POLI: variants seen among roughly 807,000 people sequenced by gnomAD.
The protein encoded by POLI is RAD30 homolog B.
A neutral mutation model predicts 51.6 loss-of-function variants in POLI; 58 were observed. That is an observed-to-expected ratio of 1.12 (90% CI 0.91 to 1.40). The LOEUF (loss-of-function observed/expected upper bound fraction) is 1.40, where lower values mean the gene tolerates loss of function less well. POLI is among the 40% of genes most tolerant of loss of function. POLI has a pLI of 0.00. For synonymous variants in POLI, 322 were observed against 299.7 expected, an observed-to-expected ratio of 1.07 and a Z score of -0.77; for missense variants, 921 against 871.3, an observed-to-expected ratio of 1.06 and a Z score of -0.72.
At position 54,292,055 on chromosome 18, in the gene POLI, T is replaced by C. The variant is rs1362452388; in HGVS notation, c.1404+17T>C. On this transcript the variant is annotated intron_variant, in intron 9 of 9. Transcript: ENST00000579534. ...CACAGTTTTGTAAGTACACTCTTTT[T>C]TGTTCAGTTTTCTAAGTATACTCTT... 1 of 1,493,966 alleles carries C rather than the reference T, an allele frequency of 6.7e-7. No homozygotes were observed. 92.5% of individuals were successfully genotyped at this position (1,493,966 alleles called of 1,614,324 possible).
downstream of POLI, among the ~76,000 whole-genome samples, chr18:54,300,523 A>T (rs1482162200): frequency 2.6e-5 from 4 of 152,100 alleles, no homozygotes; most frequent in African/African-American, 7.2e-5. Context: ...CACAAAATTC[A>T]ATCCCCAAAA....
rs142721359 is a variant in POLI at position 54,307,441 on chromosome 18, C to G, written c.334-12832C>G. 1.7e-3 allele frequency among the ~76,000 whole-genome samples: 263 copies of G among 152,300 alleles called. 2 individuals carry two copies. The highest frequency in any genetic ancestry group is 5.8e-3 in the African/African-American group (243 of 41,556). The stretch of plus-strand genomic sequence containing the variant: ...AGTTCTAATTTGATTGCACTGTGGT[C>G]TGAGAGACAGTTTGTTGTGACTTCT... On this transcript the variant is annotated intron_variant, in intron 3 of 4. Coordinates refer to the POLI transcript ENST00000579823.
chr18:54,319,592 G>T (rs1386200377), intron 3 of POLI, among the ~76,000 whole-genome samples: 1 of 152,030 alleles, frequency 6.6e-6, no homozygotes, highest in Non-Finnish European at 1.5e-5. Flanking sequence ...ATTTTTATTT[G>T]TCATATTGTT....
intron 4 of POLI, among the ~76,000 whole-genome samples, chr18:54,278,305 CAA>C (rs2087342312): frequency 6.6e-6 from 1 of 152,162 alleles, no homozygotes. Context: ...CTTAAGGAAA[CAA>C]AAAGCCATAC....
chr18:54,291,151 G>A (rs1432520179), intron 8 of POLI, among the ~76,000 whole-genome samples: 1 of 152,106 alleles, frequency 6.6e-6, no homozygotes, highest in Non-Finnish European at 1.5e-5. Flanking sequence ...AGGGTTGTAC[G>A]GGGAGCCTAT....
chr18:54,283,986 A>G lies in POLI; in HGVS notation c.1040A>G (p.Glu347Gly). Residue 347 changes from glutamate (E) to glycine (G), a missense_variant, in exon 7 of 10, where the codon GAA becomes GGA. Glu to Gly is a moderately conservative substitution (Grantham distance 98, BLOSUM62 -2). Transcript: ENST00000579534. ...SSEVEAKNKI[E>G]ELLASLLNRV... The stretch of plus-strand genomic sequence containing the variant: ...GAAGTTGAAGCTAAAAATAAGATTG[A>G]AGAACTACTTGCTAGTCTTTTAAAC... 6.8e-7 allele frequency: 1 copy of G among 1,477,330 alleles called. No individual in the cohort carries two copies. The highest frequency in any genetic ancestry group is 9.4e-7 in the Non-Finnish European group (1 of 1,064,506). The allele number at this position is 1,477,330 out of a possible 1,614,324, so 91.5% of individuals were successfully genotyped here. A position where few individuals can be genotyped will look rare whatever the true frequency, so the allele number is the denominator to read the frequency against.
intron 6 of POLI, 64 bp from the exon 7 acceptor site, chr18:54,283,858 A>G (rs1435901575): frequency 1.6e-6 from 1 of 628,464 alleles, no homozygotes; most frequent in Non-Finnish European, 2.8e-6. Flanking sequence ...TTGACTGTAC[A>G]CTGATAATAA....
At position 54,295,169 on chromosome 18, in the gene POLI, A is replaced by G. The variant is rs1008485992; in HGVS notation, c.*702A>G. 1.7e-5 allele frequency: 17 copies of G among 983,892 alleles called. No homozygotes were observed. Among genetic ancestry groups the G allele is most frequent in the Non-Finnish European group, 2.0e-5 (17 of 829,428 alleles). The allele number at this position is 983,892 out of a possible 1,614,324, so 60.9% of individuals were successfully genotyped here. A position where few individuals can be genotyped will look rare whatever the true frequency, so the allele number is the denominator to read the frequency against. On this transcript the variant is annotated 3_prime_UTR_variant, in exon 10 of 10. Transcript: ENST00000579534. ...TCCGTGCAAGTAAATTAAGGGAAAG[A>G]TGGACACCAGAAAGGCAAGGTGATG... is the stretch of plus-strand genomic sequence containing the variant.
chr18:54,289,747 A>G (rs892313990), intron 8 of POLI, among the ~76,000 whole-genome samples: 2 of 152,172 alleles, frequency 1.3e-5, no homozygotes, highest in Non-Finnish European at 2.9e-5. Context: ...CTATATAATA[A>G]ATGGTGCTAG....
chr18:54,274,076 C>G lies in POLI; in HGVS notation c.392C>G (p.Ser131Cys). 6.8e-7 allele frequency: 1 copy of G among 1,463,224 alleles called. No individual in the cohort carries two copies. The highest frequency in any genetic ancestry group is 9.1e-7 in the Non-Finnish European group (1 of 1,100,836). 90.6% of individuals were successfully genotyped at this position (1,463,224 alleles called of 1,614,324 possible). ...GEDLTRYREM[S>C]YKVTELLEEF... Reference sequence around the variant, plus strand: ...GACCTGACCCGCTACAGAGAAATGTCTTATAAGGTTACAGGTACAAATGAT... The same window carrying G: ...GACCTGACCCGCTACAGAGAAATGTGTTATAAGGTTACAGGTACAAATGAT... The change falls in exon 3 of 10, where the codon TCT (serine) becomes TGT (cysteine). Residue 131 changes from serine (S) to cysteine (C), a missense_variant. Physicochemically the swap from Ser to Cys is moderately radical, Grantham distance 112. Transcript: ENST00000579534.
downstream of POLI, chr18:54,298,360 C>T (rs972058621): frequency 1.3e-5 from 2 of 152,210 alleles, no homozygotes; most frequent in African/African-American, 4.8e-5. Flanking sequence ...GGCTCAAAGT[C>T]TCAACACCCT....
At chr18:54,300,381 G>C (rs922435966), downstream of POLI, among the ~76,000 whole-genome samples, 4 of 151,956 alleles carry the variant, frequency 2.6e-5, no homozygotes, top group Admixed American at 6.6e-5. Flanking sequence ...TGAAGTGGTG[G>C]GTTACATCTT....
At chr18:54,288,430 G>A (rs1479777826) in intron 8 of POLI, among the ~76,000 whole-genome samples, 1 of 152,006 alleles carries the variant, frequency 6.6e-6, no homozygotes, top group Non-Finnish European at 1.5e-5. Flanking sequence ...TCTTTGCTTT[G>A]CATGTGGGTA....
chr18:54,277,840 G>A lies in POLI; in HGVS notation c.544G>A (p.Val182Ile). 1 of 1,611,824 alleles carries A rather than the reference G, an allele frequency of 6.2e-7. No individual in the cohort carries two copies. Among genetic ancestry groups the A allele is most frequent in the Non-Finnish European group, 8.5e-7 (1 of 1,178,582 alleles). ...TTCTGCGGTGACTGTGTCGGGTCAT[G>A]TATACAATAATCAGTGTGAGTGGGT... is the stretch of plus-strand genomic sequence containing the variant. ...ELSAVTVSGH[V>I]YNNQSINLLD... The change falls in exon 4 of 10, where the codon GTA (valine) becomes ATA (isoleucine). Residue 182 changes from valine to isoleucine, a missense_variant. Coordinates refer to ENST00000579534, the MANE Select transcript of POLI (RefSeq NM_007195.3).
chr18:54,298,823 G>A (rs964767799), downstream of POLI, among the ~76,000 whole-genome samples: 3 of 151,728 alleles, frequency 2.0e-5, no homozygotes, highest in Non-Finnish European at 2.9e-5. Context: ...TCCTGACCTC[G>A]TGATCTGCCC....
At chr18:54,314,421 G>T (rs1221753306) in intron 3 of POLI, among the ~76,000 whole-genome samples, 1 of 152,104 alleles carries the variant, frequency 6.6e-6, no homozygotes, top group African/African-American at 2.4e-5. Flanking sequence ...AGCAATATTG[G>T]CCTGAAGTTT....
chr18:54,309,840 G>A (rs188131420), intron 3 of POLI, among the ~76,000 whole-genome samples: 23 of 152,256 alleles, frequency 1.5e-4, no homozygotes, highest in East Asian at 1.2e-3. Flanking sequence ...GTTCCATCTC[G>A]GACTGCTGCA....
In POLI at chr18:54,294,485, G is replaced by A. The variant is rs1369736184; in HGVS notation, c.*18G>A. 2 of 1,558,538 alleles carry A rather than the reference G, an allele frequency of 1.3e-6. No homozygotes were observed. The highest frequency in any genetic ancestry group is 1.7e-6 in the Non-Finnish European group (2 of 1,156,908). ...ATAAATAAGCATATTCAGCAAAAAG[G>A]TCTGAAAAGCAAGGGAATACCATTA... is the stretch of plus-strand genomic sequence containing the variant. On this transcript the variant is annotated 3_prime_UTR_variant, in exon 10 of 10. Transcript: ENST00000579534.
intron 7 of POLI, among the ~76,000 whole-genome samples, chr18:54,286,474 C>T (rs1303973249): frequency 3.3e-5 from 5 of 151,906 alleles, no homozygotes; most frequent in Non-Finnish European, 7.4e-5. Context: ...AATAAGCTAT[C>T]ATATAATGGT....
Sources: gnomAD v4.1 joint callset for allele counts (sites outside exome capture counted in the v4.1 genomes callset) on GRCh38, gnomAD v4.1.1 for gene constraint, MANE v1.5 for transcripts, NCBI Gene and HGNC (gene_info 2026-07-23, HGNC 2026-07-21) for gene names.